UBE2K: variants seen among roughly 807,000 people sequenced by gnomAD.
UBE2K encodes the protein ubiquitin-conjugating enzyme E2 K.
A neutral mutation model predicts 30.0 loss-of-function variants in UBE2K; 6 were observed. That is an observed-to-expected ratio of 0.20 (90% CI 0.11 to 0.39). UBE2K has a LOEUF of 0.39. Among genes scored for constraint, UBE2K ranks in the 10% least tolerant of loss-of-function variants. UBE2K has a pLI of 1.00. For synonymous variants in UBE2K, 86 were observed against 83.7 expected (o/e 1.03, Z -0.15); for missense variants, 61 against 241.6 (o/e 0.25, Z 4.96).
intron 4 of UBE2K, among the ~76,000 whole-genome samples, chr4:39,756,981 A>T (rs548769023): frequency 6.6e-6 from 1 of 150,398 alleles, no homozygotes; most frequent in African/African-American, 2.4e-5. Context: ...TAGAATTTTT[A>T]AGCTATGTTT....
At chr4:39,752,377 C>T (rs934038118) in intron 3 of UBE2K, among the ~76,000 whole-genome samples, 4 of 146,680 alleles carry the variant, frequency 2.7e-5, no homozygotes, top group African/African-American at 7.6e-5. Flanking sequence ...GGCTCTGTCG[C>T]CCAGGCTGGA....
At position 39,757,023 on chromosome 4, in the gene UBE2K, T is replaced by G. The variant is rs867240839; in HGVS notation, c.299+1284T>G. Among the ~76,000 whole-genome samples the G allele has an allele frequency of 6.2e-3, 590 of 94,824 alleles. 34 individuals are homozygous for G. Among genetic ancestry groups the G allele is most frequent in the African/African-American group, 0.027 (561 of 20,744 alleles). The allele number at this position is 94,824 out of a possible 152,430, so 62.2% of individuals were successfully genotyped here. A position where few individuals can be genotyped will look rare whatever the true frequency, so the allele number is the denominator to read the frequency against. Reference sequence around the variant, plus strand: ...GTGTTTTTTTTTTGTTTTTTGTTTTTTGTTTTTTGTTTTTTTTTTGAGACA... The same window carrying G: ...GTGTTTTTTTTTTGTTTTTTGTTTTGTGTTTTTTGTTTTTTTTTTGAGACA... On this transcript the variant is annotated intron_variant, in intron 4 of 6. Coordinates refer to ENST00000261427, the MANE Select transcript of UBE2K (RefSeq NM_005339.5).
At chr4:39,774,792 A>G in intron 4 of UBE2K, 42 bp from the exon 5 acceptor site, 1 of 1,294,552 alleles carries the variant, frequency 7.7e-7, no homozygotes, top group East Asian at 2.6e-5. Context: ...TTTTGCCTGC[A>G]GAGCCCTCTT....
At chr4:39,700,350 C>G (rs1345552780) in intron 1 of UBE2K, among the ~76,000 whole-genome samples, 1 of 152,068 alleles carries the variant, frequency 6.6e-6, no homozygotes, top group Non-Finnish European at 1.5e-5. Context: ...ACAGGAAATG[C>G]AAACAGACAG....
At chr4:39,709,589 T>C (rs1718559957) in intron 1 of UBE2K, among the ~76,000 whole-genome samples, 2 of 152,120 alleles carry the variant, frequency 1.3e-5, no homozygotes, top group Non-Finnish European at 2.9e-5. Context: ...TTAAACTTTA[T>C]GATATGTATG....
At chr4:39,733,069 A>C (rs1485729173) in intron 1 of UBE2K, among the ~76,000 whole-genome samples, 3 of 151,002 alleles carry the variant, frequency 2.0e-5, no homozygotes, top group Non-Finnish European at 3.0e-5. Context: ...AAAAAAAAAA[A>C]AAAAACAACC....
intron 4 of UBE2K, among the ~76,000 whole-genome samples, chr4:39,757,011 G>GTTTTTTTTTTTTTTTTTTTTTT (rs1354761879): frequency 1.3e-5 from 1 of 76,824 alleles, no homozygotes; most frequent in African/African-American, 5.3e-5. Flanking sequence ...TTTTTTTTTT[G>GTTTTTTTTTTTTTTTTTTTTTT]TTTTTTGTTT....
Position 39,698,342 on chromosome 4 carries a change from G to C in UBE2K, c.15G>C (p.Ala5=). The change falls in exon 1 of 7, where the codon GCG becomes GCC. Residue 5 remains alanine (A), a synonymous_variant. Coordinates refer to ENST00000261427, the MANE Select transcript of UBE2K (RefSeq NM_005339.5). Reference sequence around the variant, plus strand: ...CGGGCGGAGACATGGCCAACATCGCGGTGCAGCGAATCAAGCGGGAGTTCA... The same window carrying C: ...CGGGCGGAGACATGGCCAACATCGCCGTGCAGCGAATCAAGCGGGAGTTCA... MANI[A]VQRIKREFKE... is the part of the protein sequence containing the mutation. 2 of 1,612,982 alleles carry C rather than the reference G, an allele frequency of 1.2e-6. No individual in the cohort carries two copies. The highest frequency in any genetic ancestry group is 8.5e-7 in the Non-Finnish European group (1 of 1,179,664).
rs547134916 is a variant in UBE2K at position 39,779,412 on chromosome 4, G to T, written c.*978G>T. The stretch of plus-strand genomic sequence containing the variant: ...TTGCAGTTTTTAGCCTGATTTTGGG[G>T]TCTATAGAGATTGCTTTATTGGATA... On this transcript the variant is annotated 3_prime_UTR_variant, in exon 7 of 7. Transcript: ENST00000261427. 3 of 152,654 alleles carry T rather than the reference G, an allele frequency of 2.0e-5. No homozygotes were observed. Among genetic ancestry groups the T allele is most frequent in the African/African-American group, 7.2e-5 (3 of 41,542 alleles). The allele number at this position is 152,654 out of a possible 1,614,324, so 9.5% of individuals were successfully genotyped here. A position where few individuals can be genotyped will look rare whatever the true frequency, so the allele number is the denominator to read the frequency against.
intron 1 of UBE2K, among the ~76,000 whole-genome samples, chr4:39,732,204 C>T (rs1578449631): frequency 6.6e-6 from 1 of 152,146 alleles, no homozygotes; most frequent in Admixed American, 6.6e-5. Context: ...CTATGAGGAA[C>T]TATCTTATCC....
intron 4 of UBE2K, among the ~76,000 whole-genome samples, chr4:39,773,929 A>G (rs1713111200): frequency 6.6e-6 from 1 of 152,014 alleles, no homozygotes; most frequent in Non-Finnish European, 1.5e-5. Flanking sequence ...TCAAAACTAA[A>G]CTAAACTAAA....
chr4:39,733,074 A>C (rs13121644), intron 1 of UBE2K, among the ~76,000 whole-genome samples: 3 of 130,850 alleles, frequency 2.3e-5, no homozygotes, highest in Non-Finnish European at 5.0e-5. Flanking sequence ...AAAAAAAAAA[A>C]CAACCAGAGG....
chr4:39,721,237 G>GAC (rs1719404385), intron 1 of UBE2K, among the ~76,000 whole-genome samples: 1 of 152,164 alleles, frequency 6.6e-6, no homozygotes, highest in Non-Finnish European at 1.5e-5. Context: ...AAGTTGATTA[G>GAC]ACAACTAGCC....
chr4:39,728,763 G>C (rs1009939883), intron 1 of UBE2K, among the ~76,000 whole-genome samples: 1 of 150,518 alleles, frequency 6.6e-6, no homozygotes, highest in Non-Finnish European at 1.5e-5. Flanking sequence ...CTCAGCCTCC[G>C]GAGTAGCTGG....
Position 39,776,169 on chromosome 4 carries a change from C to T in UBE2K, c.399+1236C>T, listed in dbSNP as rs186494543. Reference sequence around the variant, plus strand: ...TTTTGGCAGTGTTACATTCAGGTATCCAAGGAACATTCATATGGTTAACCA... The same window carrying T: ...TTTTGGCAGTGTTACATTCAGGTATTCAAGGAACATTCATATGGTTAACCA... On this transcript the variant is annotated intron_variant, in intron 5 of 6. Transcript: ENST00000261427. Among the ~76,000 whole-genome samples the T allele has an allele frequency of 2.6e-5, 4 of 152,246 alleles. No homozygotes were observed. In the East Asian group the frequency reaches 7.7e-4, roughly 29 times the overall value.
intron 4 of UBE2K, chr4:39,771,447 G>A: frequency 1.3e-6 from 2 of 1,584,576 alleles, no homozygotes; most frequent in Non-Finnish European, 1.7e-6. Flanking sequence ...TGTGGCGGGG[G>A]TGGGCAACCC....
At chr4:39,728,304 C>T (rs1290986994) in intron 1 of UBE2K, among the ~76,000 whole-genome samples, 3 of 151,992 alleles carry the variant, frequency 2.0e-5, no homozygotes, top group Non-Finnish European at 4.4e-5. Flanking sequence ...TAAAATATTG[C>T]CTGTAAATTA....
chr4:39,737,310 A>G (rs1049094092), intron 1 of UBE2K, 110 bp from the exon 2 acceptor site: 2 of 543,848 alleles, frequency 3.7e-6, no homozygotes, highest in Non-Finnish European at 6.4e-6. Flanking sequence ...ATTTTACTAG[A>G]GCAGATAATC....
At chr4:39,733,764 T>C (rs772668862) in intron 1 of UBE2K, among the ~76,000 whole-genome samples, 16 of 152,218 alleles carry the variant, frequency 1.1e-4, no homozygotes, top group Non-Finnish European at 1.9e-4. Flanking sequence ...TTAAGTGTTA[T>C]ACCTGAATGA....
Sources: gnomAD v4.1 joint callset for allele counts (sites outside exome capture counted in the v4.1 genomes callset) on GRCh38, gnomAD v4.1.1 for gene constraint, MANE v1.5 for transcripts, NCBI Gene and HGNC (gene_info 2026-07-23, HGNC 2026-07-21) for gene names.